The following GREM2 variants were observed in gnomAD, a reference collection of about 807,000 sequenced individuals.
The protein encoded by GREM2 is gremlin 2, DAN family BMP antagonist, also known as gremlin-2.
In GREM2, 11 loss-of-function variants were observed where a neutral mutation model predicts 14.2. The observed-to-expected ratio is 0.78, with a 90% CI of 0.49 to 1.28. GREM2 has a LOEUF of 1.28. Ranked by LOEUF, GREM2 falls within the 50% of genes most tolerant of loss-of-function variation. The pLI is 0.00. For missense variants in GREM2, 210 were observed against 218.5 expected (o/e 0.96, Z 0.24); for synonymous variants, 98 against 97.6 (o/e 1.00, Z -0.02).
At chr1:240,511,600 G>T (rs1298454908) in intron 1 of GREM2, among the ~76,000 whole-genome samples, 1 of 151,990 alleles carries the variant, frequency 6.6e-6, no homozygotes, top group Non-Finnish European at 1.5e-5. Flanking sequence ...AAAATACAAA[G>T]AAATTAGCCG....
chr1:240,532,640 T>TATAGATAGATAG (rs199526145), intron 1 of GREM2, among the ~76,000 whole-genome samples: 66 of 104,278 alleles, frequency 6.3e-4, no homozygotes, highest in African/African-American at 1.3e-3. Context: ...AAGAGATATA[T>TATAGATAGATAG]ATAGATAGAT....
At chr1:240,555,957 T>C (rs2103343885) in intron 1 of GREM2, among the ~76,000 whole-genome samples, 1 of 152,360 alleles carries the variant, frequency 6.6e-6, no homozygotes, top group African/African-American at 2.4e-5. Flanking sequence ...TTTATTTTTC[T>C]AAGGTATGAC....
intron 1 of GREM2, among the ~76,000 whole-genome samples, chr1:240,511,722 C>T (rs1677835513): frequency 6.6e-6 from 1 of 152,156 alleles, no homozygotes; most frequent in Admixed American, 6.5e-5. Context: ...CACTGCACTC[C>T]AGCCTGCAGC....
At chr1:240,573,465 A>G (rs957239387) in intron 1 of GREM2, among the ~76,000 whole-genome samples, 1 of 152,154 alleles carries the variant, frequency 6.6e-6, no homozygotes, top group Non-Finnish European at 1.5e-5. Flanking sequence ...TTTGTTCACC[A>G]TGGATTTTTT....
At chr1:240,526,639 C>A (rs187671681) in intron 1 of GREM2, among the ~76,000 whole-genome samples, 9 of 152,304 alleles carry the variant, frequency 5.9e-5, no homozygotes, top group Admixed American at 5.9e-4. Flanking sequence ...CTCTCTGACC[C>A]CCATCTGTCT....
At chr1:240,595,820 A>C (rs1043911200) in intron 1 of GREM2, among the ~76,000 whole-genome samples, 1 of 152,146 alleles carries the variant, frequency 6.6e-6, no homozygotes, top group Non-Finnish European at 1.5e-5. Context: ...TAAAACACCT[A>C]ATAATGTGTC....
At chr1:240,521,269 A>T (rs1678078293) in intron 1 of GREM2, among the ~76,000 whole-genome samples, 1 of 152,068 alleles carries the variant, frequency 6.6e-6, no homozygotes. Context: ...TCTATATCTT[A>T]AAAAAATGAA....
chr1:240,529,156 G>A (rs1035295586), intron 1 of GREM2, among the ~76,000 whole-genome samples: 6 of 151,512 alleles, frequency 4.0e-5, no homozygotes, highest in African/African-American at 1.5e-4. Context: ...ACATGGATGA[G>A]CTCTCAGGAA....
At position 240,491,327 on chromosome 1, in the gene GREM2, A is replaced by G. The variant is rs12072621; in HGVS notation, c.*1642T>C. On this transcript the variant is annotated 3_prime_UTR_variant, in exon 2 of 2. Coordinates refer to ENST00000318160, the MANE Select transcript of GREM2 (RefSeq NM_022469.4). ...GTGGCCCCTCACAGGAGCACTTACC[A>G]GGGAATCATCAGTGAAAGGTTTTCA... 0.22 allele frequency: 33,212 copies of G among 152,542 alleles called. 4,443 individuals are homozygous for G. Among genetic ancestry groups the G allele is most frequent in the African/African-American group, 0.38 (15,626 of 41,426 alleles). 9.4% of individuals were successfully genotyped at this position (152,542 alleles called of 1,614,324 possible). A position where few individuals can be genotyped will look rare whatever the true frequency, so the allele number is the denominator to read the frequency against.
rs1275277861 is a variant in GREM2 at position 240,489,595 on chromosome 1, T to C, written c.*3374A>G. Reference sequence around the variant, plus strand: ...ATCTTAGGCTGCTCTGCCTATGAAGTAGGCATTCTTTATTCCTTTACTTTC... The same window carrying C: ...ATCTTAGGCTGCTCTGCCTATGAAGCAGGCATTCTTTATTCCTTTACTTTC... On this transcript the variant is annotated 3_prime_UTR_variant, in exon 2 of 2. Transcript: ENST00000318160. 2.0e-5 allele frequency: 3 copies of C among 152,390 alleles called. No homozygotes were observed. Among genetic ancestry groups the C allele is most frequent in the Non-Finnish European group, 4.4e-5 (3 of 68,044 alleles). The allele number at this position is 152,390 out of a possible 1,614,324, so 9.4% of individuals were successfully genotyped here. A position where few individuals can be genotyped will look rare whatever the true frequency, so the allele number is the denominator to read the frequency against.
chr1:240,542,633 A>T lies in GREM2; in HGVS notation c.-1-49157T>A, dbSNP rs890458108. ...CATCTCAAAAATAAATAAATAAATA[A>T]ATAAATAAAAATTTCTAAAGAGCTG... On this transcript the variant is annotated intron_variant, in intron 1 of 1. Transcript: ENST00000318160. This position sits in a 1 kb window ranked among gnomAD's most constrained non-coding sequence, Gnocchi z 4.1. Among the ~76,000 whole-genome samples the T allele has an allele frequency of 3.8e-4, 58 of 151,838 alleles. No homozygotes were observed. Among genetic ancestry groups the T allele is most frequent in the East Asian group, 7.8e-4 (4 of 5,148 alleles).
At chr1:240,575,524 A>AT (rs200664832) in intron 1 of GREM2, among the ~76,000 whole-genome samples, 4,062 of 139,924 alleles carry the variant, frequency 0.029, 186 homozygotes, top group African/African-American at 0.1. Flanking sequence ...TTTAATTTTA[A>AT]TTTTATTTTT....
chr1:240,534,941 A>C (rs1381427360), intron 1 of GREM2, among the ~76,000 whole-genome samples: 1 of 152,108 alleles, frequency 6.6e-6, no homozygotes, highest in Non-Finnish European at 1.5e-5. Context: ...GAAACACAGC[A>C]GGACGAGTGG....
At chr1:240,593,568 C>T (rs1310619331) in intron 1 of GREM2, among the ~76,000 whole-genome samples, 1 of 152,158 alleles carries the variant, frequency 6.6e-6, no homozygotes. Flanking sequence ...AGGTAATCAG[C>T]AACGTATGTG....
rs1677298833 is a variant in GREM2 at position 240,493,023 on chromosome 1, C to T, written c.453G>A (p.Lys151=). Residue 151 remains lysine (K), a synonymous_variant, in exon 2 of 2, where the codon AAG becomes AAA. Coordinates refer to ENST00000318160, the MANE Select transcript of GREM2 (RefSeq NM_022469.4). ...DPPFRLKKIQ[K]VKQCRCMSVN... is the part of the protein sequence containing the mutation. ...CGGACATGCACCGGCACTGCTTCAC[C>T]TTCTGGATTTTCTTGAGTCGGAAGG... 1.3e-6 allele frequency: 2 copies of T among 1,595,434 alleles called. No homozygotes were observed. The highest frequency in any genetic ancestry group is 1.7e-5 in the Admixed American group (1 of 59,332).
intron 1 of GREM2, among the ~76,000 whole-genome samples, chr1:240,501,213 T>C (rs1033930080): frequency 6.6e-6 from 1 of 152,132 alleles, no homozygotes; most frequent in African/African-American, 2.4e-5. Context: ...CAACTATAAA[T>C]CTTCTGAACT....
At chr1:240,515,641 A>T (rs1049523811) in intron 1 of GREM2, among the ~76,000 whole-genome samples, 7 of 152,226 alleles carry the variant, frequency 4.6e-5, no homozygotes, top group Non-Finnish European at 1.0e-4. Flanking sequence ...TAGCACTTAA[A>T]GAAAAAGGGA....
rs1332996911 is a variant in GREM2 at position 240,491,223 on chromosome 1, G to C, written c.*1746C>G. ...CTTGCTCTTCAAGTGAATGTCTCTAGATCCACCATCACTACCTAGTATCAG... is the reference window on the plus strand; with the variant it reads ...CTTGCTCTTCAAGTGAATGTCTCTACATCCACCATCACTACCTAGTATCAG... On this transcript the variant is annotated 3_prime_UTR_variant, in exon 2 of 2. Coordinates refer to ENST00000318160, the MANE Select transcript of GREM2 (RefSeq NM_022469.4). 1.3e-5 allele frequency: 2 copies of C among 152,290 alleles called. No homozygotes were observed. The highest frequency in any genetic ancestry group is 2.9e-5 in the Non-Finnish European group (2 of 68,066). The allele number at this position is 152,290 out of a possible 1,614,324, so 9.4% of individuals were successfully genotyped here.
At chr1:240,582,791 C>G (rs554315295) in intron 1 of GREM2, among the ~76,000 whole-genome samples, 1 of 137,986 alleles carries the variant, frequency 7.2e-6, no homozygotes, top group Non-Finnish European at 1.5e-5. Context: ...GAGCAAAACT[C>G]TGTCTCAAAA....
Sources: gnomAD v4.1 joint callset for allele counts (sites outside exome capture counted in the v4.1 genomes callset) on GRCh38, gnomAD v4.1.1 for gene constraint, Gnocchi (gnomAD v3.1) non-coding constraint, MANE v1.5 for transcripts, NCBI Gene and HGNC (gene_info 2026-07-23, HGNC 2026-07-21) for gene names.